Variants in ADGRB3 observed in about 807,000 individuals in gnomAD.
ADGRB3 encodes brain-specific angiogenesis inhibitor 3.
ADGRB3 carries 37 observed loss-of-function variants against 193.4 expected under a neutral mutation model. That is an observed-to-expected ratio of 0.19 (90% CI 0.15 to 0.25). The LOEUF (loss-of-function observed/expected upper bound fraction) is 0.25, where lower values mean the gene tolerates loss of function less well. Among genes scored for constraint, ADGRB3 ranks in the 10% least tolerant of loss-of-function variants. ADGRB3 has a pLI of 1.00. For missense variants in ADGRB3, 1,637 were observed against 1,852.9 expected (o/e 0.88, Z 2.14); for synonymous variants, 690 against 644.2 (o/e 1.07, Z -1.08).
chr6:68,951,492 C>T (rs1198852093), intron 6 of ADGRB3, among the ~76,000 whole-genome samples: 1 of 152,126 alleles, frequency 6.6e-6, no homozygotes, highest in Non-Finnish European at 1.5e-5. Flanking sequence ...ACTACATGTT[C>T]ATAAGAGCAG....
intron 18 of ADGRB3, among the ~76,000 whole-genome samples, chr6:69,234,662 C>A (rs964513157): frequency 6.6e-6 from 1 of 151,918 alleles, no homozygotes; most frequent in Non-Finnish European, 1.5e-5. Flanking sequence ...AAATGACTAA[C>A]CTGCAGTTAG....
intron 17 of ADGRB3, among the ~76,000 whole-genome samples, chr6:69,101,695 TTG>T (rs756752573): frequency 1.3e-5 from 2 of 149,510 alleles, no homozygotes; most frequent in South Asian, 4.3e-4. Context: ...TTCTAAATCT[TTG>T]TGTGTGTGAG....
intron 3 of ADGRB3, among the ~76,000 whole-genome samples, chr6:68,782,254 A>T (rs1766868889): frequency 6.6e-6 from 1 of 151,136 alleles, no homozygotes; most frequent in South Asian, 2.1e-4. Flanking sequence ...TAGTTTGCTG[A>T]GAATGATGGT....
At chr6:68,907,680 C>A (rs755694441) in intron 3 of ADGRB3, among the ~76,000 whole-genome samples, 1 of 151,788 alleles carries the variant, frequency 6.6e-6, no homozygotes, top group Non-Finnish European at 1.5e-5. Flanking sequence ...CTTGAATGGA[C>A]CCTGTTTTTA....
At chr6:68,861,740 C>A (rs530308187) in intron 3 of ADGRB3, among the ~76,000 whole-genome samples, 2 of 152,224 alleles carry the variant, frequency 1.3e-5, no homozygotes, top group African/African-American at 4.8e-5. Context: ...ATTAGTCTAA[C>A]ATAATTGTTA....
At chr6:69,033,046 G>A (rs1026086728) in intron 13 of ADGRB3, among the ~76,000 whole-genome samples, 2 of 152,092 alleles carry the variant, frequency 1.3e-5, no homozygotes, top group African/African-American at 2.4e-5. Context: ...TCCTACTTAA[G>A]TTTAGTATCC....
intron 8 of ADGRB3, among the ~76,000 whole-genome samples, chr6:68,973,309 T>C (rs1483025282): frequency 6.6e-6 from 1 of 150,824 alleles, no homozygotes; most frequent in African/African-American, 2.4e-5. Context: ...GGAGTTGGAA[T>C]AGTTGATCTT....
At chr6:69,103,920 C>T (rs919614977) in intron 17 of ADGRB3, among the ~76,000 whole-genome samples, 2 of 151,962 alleles carry the variant, frequency 1.3e-5, no homozygotes, top group African/African-American at 4.8e-5. Context: ...TCAAGGTTTT[C>T]ACGGATGCTC....
intron 3 of ADGRB3, among the ~76,000 whole-genome samples, chr6:68,912,883 T>TA (rs980163992): frequency 6.6e-6 from 1 of 152,132 alleles, no homozygotes; most frequent in African/African-American, 2.4e-5. Flanking sequence ...CCGATGGGCT[T>TA]AAAAAACGGC....
intron 19 of ADGRB3, among the ~76,000 whole-genome samples, chr6:69,238,243 G>C (rs1766311386): frequency 6.6e-6 from 1 of 151,976 alleles, no homozygotes; most frequent in African/African-American, 2.4e-5. Context: ...CAAATTGAAT[G>C]GGCCTAAACA....
intron 20 of ADGRB3, among the ~76,000 whole-genome samples, chr6:69,274,012 A>G (rs2127280607): frequency 6.6e-6 from 1 of 152,270 alleles, no homozygotes; most frequent in South Asian, 2.1e-4. Context: ...GTGGTAGTGG[A>G]TGTCTTCAGG....
Position 69,389,013 on chromosome 6 carries a change from A to G in ADGRB3, c.*122A>G. The G allele has an allele frequency of 1.0e-6, 1 of 980,690 alleles. No homozygotes were observed. Among genetic ancestry groups the G allele is most frequent in the Non-Finnish European group, 1.5e-6 (1 of 681,756 alleles). The allele number at this position is 980,690 out of a possible 1,614,324, so 60.7% of individuals were successfully genotyped here. A position where few individuals can be genotyped will look rare whatever the true frequency, so the allele number is the denominator to read the frequency against. ...TTATGTCAGGACCTTCATGTGCCAAACGTCAGTGGTGTTTTCATATGGTAA... is the reference window on the plus strand; with the variant it reads ...TTATGTCAGGACCTTCATGTGCCAAGCGTCAGTGGTGTTTTCATATGGTAA... On this transcript the variant is annotated 3_prime_UTR_variant, in exon 32 of 32. Transcript: ENST00000370598.
intron 3 of ADGRB3, among the ~76,000 whole-genome samples, chr6:68,827,787 G>A (rs1003017521): frequency 3.9e-5 from 6 of 152,084 alleles, no homozygotes; most frequent in Non-Finnish European, 7.4e-5. Context: ...AGCCCAAAAG[G>A]CCTGCATAAT....
At chr6:69,362,593 T>C (rs538182239) in intron 29 of ADGRB3, among the ~76,000 whole-genome samples, 1 of 152,102 alleles carries the variant, frequency 6.6e-6, no homozygotes, top group East Asian at 1.9e-4. Flanking sequence ...GTAATGTGAA[T>C]AGAATCTAAG....
At chr6:69,359,906 T>G (rs1166001334) in intron 28 of ADGRB3, among the ~76,000 whole-genome samples, 2 of 151,912 alleles carry the variant, frequency 1.3e-5, no homozygotes, top group Non-Finnish European at 2.9e-5. Context: ...AAACTGATGA[T>G]TGTTCATAAC....
intron 3 of ADGRB3, among the ~76,000 whole-genome samples, chr6:68,732,320 C>A (rs1765789927): frequency 6.6e-6 from 1 of 151,742 alleles, no homozygotes; most frequent in Non-Finnish European, 1.5e-5. Flanking sequence ...CTCCCTTCTC[C>A]CACCCTCCAA....
At chr6:69,053,662 A>G (rs1189251633) in intron 15 of ADGRB3, among the ~76,000 whole-genome samples, 1 of 152,186 alleles carries the variant, frequency 6.6e-6, no homozygotes, top group African/African-American at 2.4e-5. Flanking sequence ...AGAGAGTGAG[A>G]TATTGACACA....
intron 3 of ADGRB3, among the ~76,000 whole-genome samples, chr6:68,679,395 G>T (rs1764837486): frequency 6.6e-6 from 1 of 152,116 alleles, no homozygotes; most frequent in South Asian, 2.1e-4. Flanking sequence ...GTAGAGAAAG[G>T]GGAACGCTTG....
intron 10 of ADGRB3, among the ~76,000 whole-genome samples, chr6:68,993,361 G>C (rs899458130): frequency 2.6e-5 from 4 of 152,108 alleles, no homozygotes; most frequent in Non-Finnish European, 5.9e-5. Flanking sequence ...AGCTCAGCTT[G>C]TTGGTAAAAA....
Sources: gnomAD v4.1 joint callset for allele counts (sites outside exome capture counted in the v4.1 genomes callset) on GRCh38, gnomAD v4.1.1 for gene constraint, MANE v1.5 for transcripts, NCBI Gene and HGNC (gene_info 2026-07-23, HGNC 2026-07-21) for gene names.